PLXNA1: variants seen among roughly 807,000 people sequenced by gnomAD.
The protein encoded by PLXNA1 is plexin-A1.
A neutral mutation model predicts 191.7 loss-of-function variants in PLXNA1; 77 were observed. That is an observed-to-expected ratio of 0.40 (90% CI 0.33 to 0.49). The LOEUF is 0.49. Among genes scored for constraint, PLXNA1 ranks in the 20% least tolerant of loss-of-function variants. PLXNA1 has a pLI of 0.63. For synonymous variants in PLXNA1, 1,137 were observed against 1,156.4 expected (o/e 0.98, Z 0.34); for missense variants, 2,110 against 2,660.2 (o/e 0.79, Z 4.55).
rs762669501 is a variant in PLXNA1 at position 126,991,555 on chromosome 3, C to T, written c.1366C>T (p.Arg456Cys). The T allele has an allele frequency of 8.9e-6, 14 of 1,575,252 alleles. No homozygotes were observed. The highest frequency in any genetic ancestry group is 3.5e-5 in the South Asian group (3 of 86,446). ...TVVFAGTRSG[R>C]IRKILVDLSN... Reference sequence around the variant, plus strand: ...GGTATTCGCCGGCACGCGAAGTGGCCGCATCCGCAAGGTCAGGCCTGGGTG... The same window carrying T: ...GGTATTCGCCGGCACGCGAAGTGGCTGCATCCGCAAGGTCAGGCCTGGGTG... Residue 456 changes from arginine (R) to cysteine (C), a missense_variant, in exon 3 of 32, where the codon CGC becomes TGC. Arg to Cys is a radical substitution (Grantham distance 180, BLOSUM62 -3). Coordinates refer to ENST00000393409, the MANE Select transcript of PLXNA1 (RefSeq NM_032242.4).
Position 127,028,204 on chromosome 3 carries a change from G to A in PLXNA1, c.4533G>A (p.Glu1511=). The A allele has an allele frequency of 6.2e-7, 1 of 1,613,212 alleles. No individual in the cohort carries two copies. ...AGACCCTGAACTGTGTGAACCCTGAGAATGAGAATGCACCTGAGGTGCCGG... is the reference window on the plus strand; with the variant it reads ...AGACCCTGAACTGTGTGAACCCTGAAAATGAGAATGCACCTGAGGTGCCGG... The part of the protein sequence containing the change: ...KTLTLNCVNP[E]NENAPEVPVK... The change falls in exon 25 of 32, where the codon GAG becomes GAA. Residue 1511 remains glutamate (E), a synonymous_variant. Coordinates refer to ENST00000393409, the MANE Select transcript of PLXNA1 (RefSeq NM_032242.4).
At chr3:127,028,133 C>T (rs1180073431) in intron 24 of PLXNA1, 47 bp downstream of exon 24, 1 of 1,612,968 alleles carries the variant, frequency 6.2e-7, no homozygotes, top group Non-Finnish European at 8.5e-7. Context: ...GCCCCCCACC[C>T]CCCAGTTGTG....
At position 127,018,311 on chromosome 3, in the gene PLXNA1, C is replaced by T. The variant is rs143549043; in HGVS notation, c.3678C>T (p.Phe1226=). 3.8e-4 allele frequency: 618 copies of T among 1,605,678 alleles called. 6 individuals are homozygous for T. Among genetic ancestry groups the T allele is most frequent in the Non-Finnish European group, 1.0e-4 (118 of 1,176,296 alleles). Residue 1226 remains phenylalanine, a synonymous_variant, in exon 20 of 32, where the codon TTC becomes TTT. Coordinates refer to ENST00000393409, the MANE Select transcript of PLXNA1 (RefSeq NM_032242.4). ...ACTGGCAGGTGCGGGCAGGTGGCTT[C>T]GAGTTCTCGCCAGGGACACTGCAGG... is the stretch of plus-strand genomic sequence containing the variant. ...QHKVTVRAGG[F]EFSPGTLQVY...
intron 10 of PLXNA1, 32 bp from the exon 11 acceptor site, chr3:127,013,988 C>A: frequency 6.3e-7 from 1 of 1,599,782 alleles, no homozygotes; most frequent in Non-Finnish European, 8.6e-7. Context: ...GGCCGCTTAG[C>A]TGGGAAGCCT....
intron 10 of PLXNA1, among the ~76,000 whole-genome samples, chr3:127,012,987 C>T (rs1318127708): frequency 6.6e-6 from 1 of 152,194 alleles, no homozygotes; most frequent in Non-Finnish European, 1.5e-5. Context: ...TGGCTGGACC[C>T]CATCCCCTGG....
At chr3:127,006,535 T>G (rs1337112813) in intron 8 of PLXNA1, among the ~76,000 whole-genome samples, 1 of 152,126 alleles carries the variant, frequency 6.6e-6, no homozygotes, top group African/African-American at 2.4e-5. Context: ...CATTGTGCAA[T>G]GTTGCCACCG....
At position 127,029,458 on chromosome 3, in the gene PLXNA1, G is replaced by T; in HGVS notation, c.4792G>T (p.Val1598Leu). 1 of 1,613,878 alleles carries T rather than the reference G, an allele frequency of 6.2e-7. No individual in the cohort carries two copies. The highest frequency in any genetic ancestry group is 1.3e-5 in the African/African-American group (1 of 75,052). The part of the protein sequence containing the change: ...AHYQVTDGSS[V>L]ALVPKQTSAY... ...CCCACAGGTGACAGACGGGTCCTCG[G>T]TGGCACTGGTGCCCAAGCAGACGTC... The change falls in exon 27 of 32, where the codon GTG becomes TTG. Residue 1598 changes from valine (V) to leucine (L), a missense_variant. Physicochemically the swap from Val to Leu is conservative, Grantham distance 32. Transcript: ENST00000393409.
chr3:127,004,703 G>A lies in PLXNA1; in HGVS notation c.1611G>A (p.Leu537=). 6.3e-7 allele frequency: 1 copy of A among 1,588,120 alleles called. No homozygotes were observed. The highest frequency in any genetic ancestry group is 8.6e-7 in the Non-Finnish European group (1 of 1,168,000). Residue 537 remains leucine (L), a synonymous_variant, in exon 5 of 32, where the codon CTG becomes CTA. Coordinates refer to ENST00000393409, the MANE Select transcript of PLXNA1 (RefSeq NM_032242.4). Reference sequence around the variant, plus strand: ...ACCCCCACTGTGGCTGGTGTGTCCTGCACAGCATGTGAGTCTGGGCAGGTG... The same window carrying A: ...ACCCCCACTGTGGCTGGTGTGTCCTACACAGCATGTGAGTCTGGGCAGGTG... ...SRDPHCGWCV[L]HSICSRRDAC...
Position 126,989,636 on chromosome 3 carries a change from G to A in PLXNA1, c.1043G>A (p.Arg348His), listed in dbSNP as rs371310828. The A allele has an allele frequency of 1.7e-5, 28 of 1,612,970 alleles. No individual in the cohort carries two copies. The highest frequency in any genetic ancestry group is 3.3e-5 in the Admixed American group (2 of 60,008). ...GTGTTCGCCCAGGGCCAGAAGAACC[G>A]CGTGAAGCCACCAAAGGAGTCAGCA... ...FTVFAQGQKN[R>H]VKPPKESALC... The change falls in exon 2 of 32, where the codon CGC (arginine) becomes CAC (histidine). Residue 348 changes from arginine to histidine, a missense_variant. Arg to His is a conservative substitution (Grantham distance 29). Around this residue, in one of 4 missense-constraint regions of PLXNA1, gnomAD observed 903 missense variants for 1,015.7 expected, o/e 0.89. Transcript: ENST00000393409.
At position 127,011,990 on chromosome 3, in the gene PLXNA1, C is replaced by A. The variant is rs767676586; in HGVS notation, c.2145C>A (p.Ile715=). The stretch of plus-strand genomic sequence containing the variant: ...CACAGATCCTGCCCTCCACGCAGAT[C>A]TACGTGCCAGTGGGAGTGGTAAAAC... ...DCPQILPSTQ[I]YVPVGVVKPI... Residue 715 remains isoleucine (I), a synonymous_variant, in exon 10 of 32, where the codon ATC becomes ATA. Coordinates refer to ENST00000393409, the MANE Select transcript of PLXNA1 (RefSeq NM_032242.4). 3 of 1,613,656 alleles carry A rather than the reference C, an allele frequency of 1.9e-6. No individual in the cohort carries two copies. The African/African-American group carries it at 4.0e-5, about 22-fold the overall frequency.
chr3:127,022,703 G>T (rs1483497778), intron 22 of PLXNA1, 49 bp from the exon 23 acceptor site: 1 of 1,557,054 alleles, frequency 6.4e-7, no homozygotes, highest in Admixed American at 1.7e-5. Context: ...CCCTGTGCCT[G>T]CTGGACAGCT....
chr3:127,002,324 G>A (rs887242009), intron 3 of PLXNA1, among the ~76,000 whole-genome samples: 12 of 152,208 alleles, frequency 7.9e-5, no homozygotes, highest in Non-Finnish European at 1.6e-4. Flanking sequence ...TCAGGAATGC[G>A]GCCCTCCCCC....
chr3:127,029,576 TC>T, intron 27 of PLXNA1, 40 bp downstream of exon 27: 1 of 1,591,040 alleles, frequency 6.3e-7, no homozygotes, highest in Non-Finnish European at 8.6e-7. Flanking sequence ...AGCGCATGGG[TC>T]CCTGGCCTGG....
chr3:127,007,653 G>A, intron 8 of PLXNA1, 146 bp from the exon 9 acceptor site: 1 of 541,632 alleles, frequency 1.8e-6, no homozygotes, highest in Non-Finnish European at 3.3e-6. Flanking sequence ...TTTGGGGGAA[G>A]AACTTTCCAG....
intron 2 of PLXNA1, 128 bp downstream of exon 2, chr3:126,989,915 A>G (rs960932413): frequency 5.0e-6 from 4 of 798,306 alleles, no homozygotes; most frequent in East Asian, 2.6e-5. Context: ...GGCCATCCCC[A>G]TGGCTCAGCT....
intron 29 of PLXNA1, among the ~76,000 whole-genome samples, chr3:127,031,486 G>T (rs1164246852): frequency 6.6e-6 from 1 of 152,086 alleles, no homozygotes; most frequent in East Asian, 1.9e-4. Context: ...ATCCTGCTGG[G>T]GTCTCCCCCC....
intron 9 of PLXNA1, among the ~76,000 whole-genome samples, chr3:127,009,082 C>T (rs1349787522): frequency 1.3e-5 from 2 of 152,038 alleles, no homozygotes; most frequent in Admixed American, 6.5e-5. Context: ...GGGGGCCTCT[C>T]GGGCCAGGGA....
Position 127,022,355 on chromosome 3 carries a change from G to T in PLXNA1, c.4295+14G>T. 1 of 1,602,666 alleles carries T rather than the reference G, an allele frequency of 6.2e-7. No individual in the cohort carries two copies. Among genetic ancestry groups the T allele is most frequent in the African/African-American group, 1.3e-5 (1 of 74,878 alleles). On this transcript the variant is annotated intron_variant, in intron 22 of 31. Coordinates refer to ENST00000393409, the MANE Select transcript of PLXNA1 (RefSeq NM_032242.4). ...GCTACTGCGCCGGTGAGCCTGGGGG[G>T]CACTGGGGTTGGGGGAGGCAGGCCC... is the stretch of plus-strand genomic sequence containing the variant.
chr3:126,989,622 G>A lies in PLXNA1; in HGVS notation c.1029G>A (p.Gln343=), dbSNP rs769508849. The A allele has an allele frequency of 1.2e-6, 2 of 1,613,004 alleles. No individual in the cohort carries two copies. Among genetic ancestry groups the A allele is most frequent in the South Asian group, 1.1e-5 (1 of 91,092 alleles). ...DEDVLFTVFA[Q]GQKNRVKPPK... is the part of the protein sequence containing the mutation. The stretch of plus-strand genomic sequence containing the variant: ...ACGTGCTGTTCACTGTGTTCGCCCA[G>A]GGCCAGAAGAACCGCGTGAAGCCAC... Residue 343 remains glutamine, a synonymous_variant, in exon 2 of 32, where the codon CAG becomes CAA. Transcript: ENST00000393409.
Sources: allele counts gnomAD v4.1 joint callset (sites outside exome capture counted in the v4.1 genomes callset), GRCh38; gene constraint gnomAD v4.1.1; regional missense constraint gnomAD v4.1.1; transcripts MANE v1.5; gene names NCBI Gene and HGNC (gene_info 2026-07-23, HGNC 2026-07-21).